Variants in DARS1 observed in about 807,000 individuals in gnomAD.
DARS1 encodes aspartyl-tRNA synthetase 1.
DARS1 carries 51 observed loss-of-function variants against 68.8 expected under a neutral mutation model. The observed-to-expected ratio is 0.74, with a 90% CI of 0.59 to 0.94. The LOEUF (loss-of-function observed/expected upper bound fraction) is 0.94. Among genes scored for constraint, DARS1 ranks in the 40% least tolerant of loss-of-function variants. The pLI is 0.00. For missense variants in DARS1, 607 were observed against 597.3 expected (o/e 1.02, Z -0.17); for synonymous variants, 203 against 190.4 (o/e 1.07, Z -0.55).
At chr2:135,949,299 C>T (rs1575397791) in intron 4 of DARS1, among the ~76,000 whole-genome samples, 1 of 152,184 alleles carries the variant, frequency 6.6e-6, no homozygotes, top group East Asian at 1.9e-4. Context: ...CACTCACTGT[C>T]CTCTCTAACA....
At chr2:135,975,261 T>G (rs1271875845) in intron 3 of DARS1, among the ~76,000 whole-genome samples, 1 of 151,794 alleles carries the variant, frequency 6.6e-6, no homozygotes, top group Non-Finnish European at 1.5e-5. Flanking sequence ...AGGAGAATGA[T>G]GTGAACCTGG....
Position 135,913,517 on chromosome 2 carries a change from G to A in DARS1, c.1150-951C>T, listed in dbSNP as rs148813437. Among the ~76,000 whole-genome samples, 823 of 152,234 alleles carry A rather than the reference G, an allele frequency of 5.4e-3. 8 individuals carry two copies. Among genetic ancestry groups the A allele is most frequent in the African/African-American group, 0.018 (765 of 41,538 alleles). On this transcript the variant is annotated intron_variant, in intron 12 of 15. Coordinates refer to ENST00000264161, the MANE Select transcript of DARS1 (RefSeq NM_001349.4). Reference sequence around the variant, plus strand: ...CATGCCTGTAATCCCAGCACTTTGGGAGGCCAAGGTAGGTGAATCACCTGA... The same window carrying A: ...CATGCCTGTAATCCCAGCACTTTGGAAGGCCAAGGTAGGTGAATCACCTGA...
chr2:135,927,513 T>C (rs1016758448), intron 7 of DARS1, among the ~76,000 whole-genome samples: 1 of 152,148 alleles, frequency 6.6e-6, no homozygotes, highest in Non-Finnish European at 1.5e-5. Context: ...GTTTCCTTAA[T>C]GTTTAAATCT....
intron 8 of DARS1, among the ~76,000 whole-genome samples, chr2:135,923,838 A>G (rs1372322950): frequency 6.6e-6 from 1 of 152,034 alleles, no homozygotes; most frequent in East Asian, 1.9e-4. Context: ...ACCAACATGG[A>G]GAAACCCTGT....
chr2:135,957,702 A>G (rs1053103885), intron 4 of DARS1, among the ~76,000 whole-genome samples: 3 of 152,126 alleles, frequency 2.0e-5, no homozygotes, highest in African/African-American at 7.2e-5. Flanking sequence ...ACTACTCAAC[A>G]AGGCACAGAC....
chr2:135,911,154 C>CA lies in DARS1; in HGVS notation c.1398dup (p.Ala467CysfsTer19). 1 of 1,494,984 alleles carries CA rather than the reference C, an allele frequency of 6.7e-7. No individual in the cohort carries two copies. Among genetic ancestry groups the CA allele is most frequent in the Non-Finnish European group, 9.3e-7 (1 of 1,071,804 alleles). 92.6% of individuals were successfully genotyped at this position (1,494,984 alleles called of 1,614,324 possible). A position where few individuals can be genotyped will look rare whatever the true frequency, so the allele number is the denominator to read the frequency against. On this transcript the variant is annotated frameshift_variant, in exon 15 of 16. Transcript: ENST00000264161. LOFTEE classifies it high-confidence loss of function. The stretch of plus-strand genomic sequence containing the variant: ...AGAATATTACCAATGCCTCCACCAG[C>CA]ATGAGGAGGGGCTCCAAAGCGGAAG...
At chr2:135,908,932 A>G (rs1575380231) in intron 15 of DARS1, among the ~76,000 whole-genome samples, 1 of 152,200 alleles carries the variant, frequency 6.6e-6, no homozygotes, top group Non-Finnish European at 1.5e-5. Flanking sequence ...GTACATATAT[A>G]CCACGGAATA....
At chr2:135,965,157 C>A (rs1367686819) in intron 3 of DARS1, among the ~76,000 whole-genome samples, 1 of 151,948 alleles carries the variant, frequency 6.6e-6, no homozygotes, top group African/African-American at 2.4e-5. Context: ...TAAACAAACA[C>A]CCCAACGAAT....
chr2:135,922,737 C>T (rs746152523), intron 9 of DARS1, 47 bp downstream of exon 9: 3 of 1,486,236 alleles, frequency 2.0e-6, no homozygotes, highest in Non-Finnish European at 2.7e-6. Context: ...ATTATAACTG[C>T]TGTATAATTA....
chr2:135,975,753 C>CAAAA (rs1170740469), intron 3 of DARS1, among the ~76,000 whole-genome samples: 46 of 71,722 alleles, frequency 6.4e-4, no homozygotes, highest in African/African-American at 2.1e-3. Flanking sequence ...GACCCTGACT[C>CAAAA]AAAAAAAAAA....
chr2:135,957,314 G>A (rs1183760846), intron 4 of DARS1, among the ~76,000 whole-genome samples: 1 of 150,886 alleles, frequency 6.6e-6, no homozygotes, highest in East Asian at 2.0e-4. Flanking sequence ...TGCAACCTTC[G>A]CCTCCTGGGT....
intron 5 of DARS1, among the ~76,000 whole-genome samples, chr2:135,936,364 A>G (rs1245243301): frequency 6.6e-6 from 1 of 152,180 alleles, no homozygotes; most frequent in African/African-American, 2.4e-5. Flanking sequence ...TTCTAGTAAA[A>G]AAACAGAAAT....
chr2:135,944,311 A>G (rs1306926637), intron 4 of DARS1, among the ~76,000 whole-genome samples: 2 of 152,206 alleles, frequency 1.3e-5, no homozygotes, highest in African/African-American at 4.8e-5. Flanking sequence ...GTATATCACA[A>G]TATAGTTGAT....
intron 7 of DARS1, 111 bp downstream of exon 7, chr2:135,932,672 C>T (rs1352183098): frequency 7.8e-6 from 5 of 643,116 alleles, no homozygotes; most frequent in Non-Finnish European, 1.1e-5. Context: ...TATTATCATA[C>T]TTACAGTCAG....
At chr2:135,924,620 T>C (rs554762293) in intron 7 of DARS1, 122 bp from the exon 8 acceptor site, 1 of 1,400,100 alleles carries the variant, frequency 7.1e-7, no homozygotes, top group Non-Finnish European at 9.4e-7. Context: ...ATTCTAATAA[T>C]TGGAGAGAAG....
chr2:135,906,494 C>T lies in DARS1; in HGVS notation c.*822G>A, dbSNP rs1311856117. Among the ~76,000 whole-genome samples the T allele has an allele frequency of 6.6e-6, 1 of 152,094 alleles. No homozygotes were observed. The highest frequency in any genetic ancestry group is 1.9e-4 in the East Asian group (1 of 5,202). Reference sequence around the variant, plus strand: ...TGTGAAATGAACTCTGTCAACCGACCCAAGCTGTCAACTTTAAGAGCTCTA... The same window carrying T: ...TGTGAAATGAACTCTGTCAACCGACTCAAGCTGTCAACTTTAAGAGCTCTA... On this transcript the variant is annotated 3_prime_UTR_variant, in exon 16 of 16. Transcript: ENST00000264161.
chr2:135,985,157 C>T (rs888533795), intron 1 of DARS1: 11 of 567,676 alleles, frequency 1.9e-5, no homozygotes, highest in Non-Finnish European at 3.0e-5. Flanking sequence ...TTCTTCCCGT[C>T]CTCCCCACCC....
chr2:135,966,167 T>C (rs1316044598), intron 3 of DARS1, among the ~76,000 whole-genome samples: 1 of 150,988 alleles, frequency 6.6e-6, no homozygotes, highest in East Asian at 1.9e-4. Context: ...TCTGTAAATG[T>C]ATTTTTTTTT....
chr2:135,985,262 T>C (rs761542108), intron 1 of DARS1, 141 bp downstream of exon 1: 21 of 1,374,950 alleles, frequency 1.5e-5, no homozygotes, highest in Middle Eastern at 2.7e-4. Flanking sequence ...GCAAGGGCTC[T>C]AGGCGCCCGG....
Sources: allele counts gnomAD v4.1 joint callset (sites outside exome capture counted in the v4.1 genomes callset), GRCh38; gene constraint gnomAD v4.1.1; transcripts MANE v1.5; gene names NCBI Gene and HGNC (gene_info 2026-07-23, HGNC 2026-07-21).